Variants in IGF2R observed in about 807,000 individuals in gnomAD.
The protein encoded by IGF2R is cation-independent mannose-6-phosphate receptor.
Under a neutral mutation model 270.6 loss-of-function variants are expected in IGF2R, and 91 were observed. The ratio of observed to expected loss-of-function variants is 0.34; its 90% CI spans 0.28 to 0.40. The LOEUF is 0.40. Ranked by LOEUF, IGF2R falls within the 10% of genes least tolerant of loss-of-function variation. IGF2R has a pLI of 1.00. For synonymous variants in IGF2R, 1,316 were observed against 1,258.9 expected, an observed-to-expected ratio of 1.05 and a Z score of -0.96; for missense variants, 2,805 against 3,188.3, an observed-to-expected ratio of 0.88 and a Z score of 2.90.
intron 45 of IGF2R, 89 bp downstream of exon 45, chr6:160,096,714 T>A (rs1779368440): frequency 3.0e-5 from 34 of 1,133,064 alleles, no homozygotes; most frequent in Non-Finnish European, 4.2e-5. Flanking sequence ...AATGTTTTCT[T>A]GTGAAATATT....
chr6:159,991,539 G>A (rs1205743466), intron 2 of IGF2R, among the ~76,000 whole-genome samples: 1 of 152,180 alleles, frequency 6.6e-6, no homozygotes, highest in Non-Finnish European at 1.5e-5. Context: ...TCTGTCTAGT[G>A]GATACTATAC....
chr6:160,099,288 T>G (rs1390769597), intron 45 of IGF2R, among the ~76,000 whole-genome samples: 3 of 152,274 alleles, frequency 2.0e-5, no homozygotes, highest in Non-Finnish European at 4.4e-5. Context: ...ACTGCAACTT[T>G]ATGTGAAATG....
chr6:160,070,790 C>T (rs750603996), intron 31 of IGF2R, among the ~76,000 whole-genome samples: 40 of 152,148 alleles, frequency 2.6e-4, no homozygotes, highest in African/African-American at 9.2e-4. Context: ...TGCTCTCCAG[C>T]GGTGGGCAGC....
At chr6:160,036,915 A>T (rs1318907914) in intron 10 of IGF2R, among the ~76,000 whole-genome samples, 1 of 152,318 alleles carries the variant, frequency 6.6e-6, no homozygotes, top group Non-Finnish European at 1.5e-5. Context: ...GCTAAAGCCC[A>T]GATGAGCTGA....
rs1778780504 is a variant in IGF2R, at chr6:160,073,125, T to C, written c.4691-88T>C. On this transcript the variant is annotated intron_variant, in intron 33 of 47. Coordinates refer to ENST00000356956, the MANE Select transcript of IGF2R (RefSeq NM_000876.4). ...AAGTTATAAGTGTTGGCTATGAAAT[T>C]GATGGTCCTGACTTGCGAAAGTTCT... 9 of 1,533,034 alleles carry C rather than the reference T, an allele frequency of 5.9e-6. No homozygotes were observed. The East Asian group carries it at 2.0e-4, about 35-fold the overall frequency. 95.0% of individuals were successfully genotyped at this position (1,533,034 alleles called of 1,614,324 possible).
chr6:160,019,196 G>A (rs1324627259), intron 4 of IGF2R, among the ~76,000 whole-genome samples: 1 of 152,122 alleles, frequency 6.6e-6, no homozygotes, highest in African/African-American at 2.4e-5. Flanking sequence ...GAGGAAATGT[G>A]TACATTTCTG....
intron 1 of IGF2R, among the ~76,000 whole-genome samples, chr6:159,976,477 TGC>T (rs1348643112): frequency 6.6e-6 from 1 of 152,176 alleles, no homozygotes; most frequent in Admixed American, 6.5e-5. Context: ...ACCTTTTATT[TGC>T]AATTTTATTA....
In IGF2R at chr6:160,078,399, T is replaced by G. The variant is rs1778901834; in HGVS notation, c.5478+37T>G. The G allele has an allele frequency of 2.5e-6, 4 of 1,594,224 alleles. 1 individual carries two copies. The highest frequency in any genetic ancestry group is 3.4e-6 in the Non-Finnish European group (4 of 1,163,470). ...ACCCTGGGCGTTGCTGGTGCAGGTG[T>G]ACCAGGTGCCAGGTGCTGTGAGGCT... is the stretch of plus-strand genomic sequence containing the variant. On this transcript the variant is annotated intron_variant, in intron 37 of 47. Transcript: ENST00000356956.
At chr6:160,049,690 C>T (rs546910682) in intron 18 of IGF2R, among the ~76,000 whole-genome samples, 3 of 152,272 alleles carry the variant, frequency 2.0e-5, no homozygotes, top group African/African-American at 7.2e-5. Flanking sequence ...GAAAGTTTAG[C>T]GGGGCAGCCT....
At chr6:159,970,137 G>T (rs1325304859) in intron 1 of IGF2R, among the ~76,000 whole-genome samples, 1 of 151,916 alleles carries the variant, frequency 6.6e-6, no homozygotes, top group Non-Finnish European at 1.5e-5. Context: ...AACCATGATT[G>T]TATAACCCAT....
intron 6 of IGF2R, among the ~76,000 whole-genome samples, chr6:160,027,596 A>G (rs933082861): frequency 2.0e-5 from 3 of 152,232 alleles, no homozygotes; most frequent in African/African-American, 7.2e-5. Context: ...TGCCTATCTT[A>G]AGGTGCCATC....
At position 160,063,397 on chromosome 6, in the gene IGF2R, T is replaced by A. The variant is rs750764642; in HGVS notation, c.3671-18T>A. 2 of 1,594,640 alleles carry A rather than the reference T, an allele frequency of 1.3e-6. No homozygotes were observed. The highest frequency in any genetic ancestry group is 3.3e-5 in the Admixed American group (2 of 59,956). On this transcript the variant is annotated intron_variant, in intron 26 of 47. Coordinates refer to ENST00000356956, the MANE Select transcript of IGF2R (RefSeq NM_000876.4). ...TGTGTGGTTGCAGTTGCCCTTCACT[T>A]CTTCCATGTTCTTGAAGGGGACAAC...
intron 4 of IGF2R, among the ~76,000 whole-genome samples, chr6:160,023,555 C>A (rs927361297): frequency 2.6e-5 from 4 of 152,204 alleles, no homozygotes; most frequent in African/African-American, 4.8e-5. Context: ...TCAGGCCTTA[C>A]AGCAGCCCCA....
Position 160,063,644 on chromosome 6 carries a change from T to C in IGF2R, c.3886+14T>C. The C allele has an allele frequency of 6.3e-7, 1 of 1,593,954 alleles. No individual in the cohort carries two copies. The highest frequency in any genetic ancestry group is 8.6e-7 in the Non-Finnish European group (1 of 1,165,354). On this transcript the variant is annotated intron_variant, in intron 27 of 47. Coordinates refer to ENST00000356956, the MANE Select transcript of IGF2R (RefSeq NM_000876.4). The stretch of plus-strand genomic sequence containing the variant: ...ACAAAGTGGCAGGTACCATTGTTTG[T>C]CGTTTTCCTTTTGTTGCAAAGGAAT...
rs191547623 is a variant in IGF2R, at chr6:160,061,990, G to T, written c.3582+62G>T. On this transcript the variant is annotated intron_variant, in intron 25 of 47. Coordinates refer to ENST00000356956, the MANE Select transcript of IGF2R (RefSeq NM_000876.4). ...GGTGACTCCATTTCCCATTTCCCTT[G>T]AACCTCTGAATCTTCTATCTTGTTT... 3.0e-4 allele frequency: 440 copies of T among 1,474,544 alleles called. 5 individuals carry two copies. The East Asian group carries it at 8.6e-3, about 29-fold the overall frequency. The allele number at this position is 1,474,544 out of a possible 1,614,324, so 91.3% of individuals were successfully genotyped here.
rs1477014830 is a variant in IGF2R, at chr6:160,033,025, AAAC to A, written c.1132_1134del (p.Gln378del). On this transcript the variant is annotated inframe_deletion, in exon 9 of 48. Transcript: ENST00000356956. ...AACTGAAATACAGTTCTGTAATAAA[AAAC>A]AAGCTGCAGTTTGCCAAGTGAAAAA... 1.2e-5 allele frequency: 20 copies of A among 1,611,644 alleles called. 1 individual carries two copies. In the Admixed American group the frequency reaches 1.7e-4, roughly 13 times the overall value.
At chr6:160,024,842 A>C in intron 5 of IGF2R, 138 bp downstream of exon 5, 1 of 961,574 alleles carries the variant, frequency 1.0e-6, no homozygotes, top group Non-Finnish European at 1.5e-6. Flanking sequence ...TTTGTCCCCA[A>C]AAATGTTCTA....
At chr6:160,032,174 T>C (rs1288202110) in intron 7 of IGF2R, among the ~76,000 whole-genome samples, 1 of 152,186 alleles carries the variant, frequency 6.6e-6, no homozygotes. Flanking sequence ...CCATGCACCC[T>C]GCACGGCCTG....
rs1359296953 is a variant in IGF2R at position 159,969,351 on chromosome 6, G to A, written c.105G>A (p.Pro35=). ...AGCTGCTGCTGCTCGTCGCTGCCCC[G>A]GGGTCCACGCAGGCCCAGGCCGCCC... ...LLQLLLLVAA[P]GSTQAQAAPF... The change falls in exon 1 of 48, where the codon CCG becomes CCA. Residue 35 remains proline (P), a synonymous_variant. Coordinates refer to ENST00000356956, the MANE Select transcript of IGF2R (RefSeq NM_000876.4). 5 of 1,313,860 alleles carry A rather than the reference G, an allele frequency of 3.8e-6. No homozygotes were observed. The highest frequency in any genetic ancestry group is 2.9e-5 in the Admixed American group (1 of 33,934). 81.4% of individuals were successfully genotyped at this position (1,313,860 alleles called of 1,614,324 possible). A position where few individuals can be genotyped will look rare whatever the true frequency, so the allele number is the denominator to read the frequency against.
Sources: gnomAD v4.1 joint callset for allele counts (sites outside exome capture counted in the v4.1 genomes callset) on GRCh38, gnomAD v4.1.1 for gene constraint, MANE v1.5 for transcripts, NCBI Gene and HGNC (gene_info 2026-07-23, HGNC 2026-07-21) for gene names.